Variants in GRID1 observed in about 807,000 individuals in gnomAD.
The protein encoded by GRID1 is glutamate ionotropic receptor delta type subunit 1.
GRID1 carries 28 observed loss-of-function variants against 98.0 expected under a neutral mutation model. The ratio of observed to expected loss-of-function variants is 0.29; its 90% CI spans 0.21 to 0.39. The LOEUF (loss-of-function observed/expected upper bound fraction) is 0.39. Among genes scored for constraint, GRID1 ranks in the 10% least tolerant of loss-of-function variants. The pLI is 1.00. For missense variants in GRID1, 1,111 were observed against 1,340.5 expected (o/e 0.83, Z 2.67); for synonymous variants, 553 against 538.5 (o/e 1.03, Z -0.37).
chr10:85,771,455 C>T (rs1370173139), intron 8 of GRID1, among the ~76,000 whole-genome samples: 1 of 152,040 alleles, frequency 6.6e-6, no homozygotes, highest in Admixed American at 6.6e-5. Context: ...ATGACAGGAT[C>T]AAATTCACAC....
At chr10:86,359,263 G>A (rs1039776536) in intron 2 of GRID1, among the ~76,000 whole-genome samples, 1 of 152,184 alleles carries the variant, frequency 6.6e-6, no homozygotes, top group Non-Finnish European at 1.5e-5. Context: ...CTGCCAGGAG[G>A]ACTGCAAGAG....
intron 2 of GRID1, among the ~76,000 whole-genome samples, chr10:86,254,497 G>A (rs995410693): frequency 6.6e-6 from 1 of 152,212 alleles, no homozygotes; most frequent in Non-Finnish European, 1.5e-5. Context: ...CCAGGTGACG[G>A]ATGCACATAA....
chr10:85,797,317 C>T (rs974648005), intron 8 of GRID1, among the ~76,000 whole-genome samples: 1 of 152,030 alleles, frequency 6.6e-6, no homozygotes, highest in Admixed American at 6.5e-5. Context: ...TACTCGGGTA[C>T]TGAGTATAGT....
intron 2 of GRID1, among the ~76,000 whole-genome samples, chr10:86,341,618 C>T (rs1848312148): frequency 1.3e-5 from 2 of 152,206 alleles, no homozygotes; most frequent in Non-Finnish European, 2.9e-5. Flanking sequence ...ACTGAGAGAA[C>T]ATGTCACAAA....
intron 15 of GRID1, chr10:85,605,881 A>G (rs1433928765): frequency 6.6e-6 from 1 of 152,256 alleles, no homozygotes. Flanking sequence ...GCTTCGGGGA[A>G]GACAGACCAG....
intron 5 of GRID1, among the ~76,000 whole-genome samples, chr10:85,884,574 C>T (rs967728819): frequency 4.6e-5 from 7 of 152,174 alleles, no homozygotes; most frequent in African/African-American, 1.7e-4. Flanking sequence ...CATTCTGCAG[C>T]TTCCACCTTA....
chr10:85,836,228 G>A (rs935830736), intron 8 of GRID1, among the ~76,000 whole-genome samples: 2 of 151,890 alleles, frequency 1.3e-5, no homozygotes, highest in Non-Finnish European at 1.5e-5. Context: ...ACAAAATATT[G>A]TTCTTCAAAA....
chr10:85,694,246 A>C (rs2132614055), intron 12 of GRID1, among the ~76,000 whole-genome samples: 1 of 152,198 alleles, frequency 6.6e-6, no homozygotes, highest in South Asian at 2.1e-4. Context: ...ACCAATCAGA[A>C]TGGCTATTAC....
intron 2 of GRID1, among the ~76,000 whole-genome samples, chr10:86,326,897 A>G (rs1381638782): frequency 6.6e-6 from 1 of 152,228 alleles, no homozygotes; most frequent in East Asian, 1.9e-4. Context: ...GTACTTCAGG[A>G]GGCCGAGGCG....
intron 4 of GRID1, among the ~76,000 whole-genome samples, chr10:86,133,439 C>T (rs1351140115): frequency 6.6e-6 from 1 of 152,216 alleles, no homozygotes; most frequent in Non-Finnish European, 1.5e-5. Flanking sequence ...TGCCATGTGC[C>T]ACAGCTGGGC....
intron 2 of GRID1, among the ~76,000 whole-genome samples, chr10:86,293,516 T>TA (rs1847545557): frequency 6.6e-6 from 1 of 152,218 alleles, no homozygotes; most frequent in Non-Finnish European, 1.5e-5. Flanking sequence ...ATTTACATGT[T>TA]AAAGACTTTT....
intron 2 of GRID1, among the ~76,000 whole-genome samples, chr10:86,343,009 C>T (rs1190233860): frequency 1.3e-5 from 2 of 152,158 alleles, no homozygotes; most frequent in Non-Finnish European, 1.5e-5. Flanking sequence ...TTATACTATC[C>T]CCACTGAAGG....
chr10:85,873,535 G>T, intron 5 of GRID1, among the ~76,000 whole-genome samples: 1 of 152,222 alleles, frequency 6.6e-6, no homozygotes, highest in East Asian at 1.9e-4. Context: ...AATGATTTCA[G>T]TGCGCCTTTC....
At chr10:85,682,188 G>C (rs1474400265) in intron 12 of GRID1, among the ~76,000 whole-genome samples, 1 of 152,196 alleles carries the variant, frequency 6.6e-6, no homozygotes, top group Non-Finnish European at 1.5e-5. Flanking sequence ...TAAGTCCCAA[G>C]ACCAGATCTT....
intron 12 of GRID1, among the ~76,000 whole-genome samples, chr10:85,684,775 G>C (rs1564558926): frequency 6.6e-6 from 1 of 152,136 alleles, no homozygotes; most frequent in African/African-American, 2.4e-5. Flanking sequence ...CACAGTTCTG[G>C]AGGCTGGAAG....
chr10:85,603,645 C>T (rs1842614585), intron 15 of GRID1, among the ~76,000 whole-genome samples: 2 of 152,168 alleles, frequency 1.3e-5, no homozygotes, highest in Admixed American at 1.3e-4. Context: ...CCTTGGCTTC[C>T]CCGCTGTGAG....
chr10:86,323,934 T>C (rs1488813125), intron 2 of GRID1, among the ~76,000 whole-genome samples: 1 of 152,194 alleles, frequency 6.6e-6, no homozygotes, highest in Admixed American at 6.5e-5. Context: ...ATCCCAGCAC[T>C]TCGGGAGGCC....
rs1162030685 is a variant in GRID1, at chr10:85,634,291, T to TCTCA, written c.2193+12910_2193+12911insTGAG. Among the ~76,000 whole-genome samples the TCTCA allele has an allele frequency of 4.9e-3, 503 of 102,926 alleles. 1 individual carries two copies. The highest frequency in any genetic ancestry group is 0.02 in the Middle Eastern group (4 of 196). 67.5% of individuals were successfully genotyped at this position (102,926 alleles called of 152,430 possible). ...CTCTCTCTCTCTCTCTCTCTCTCTC[T>TCTCA]CACACACACACACACACACACACAG... On this transcript the variant is annotated intron_variant, in intron 13 of 15. Transcript: ENST00000327946.
intron 4 of GRID1, among the ~76,000 whole-genome samples, chr10:85,965,437 C>T (rs1008669689): frequency 2.6e-5 from 4 of 152,104 alleles, no homozygotes; most frequent in Admixed American, 6.5e-5. Context: ...ACATATACAC[C>T]GTGGAATACT....
Sources: allele counts gnomAD v4.1 joint callset (sites outside exome capture counted in the v4.1 genomes callset), GRCh38; gene constraint gnomAD v4.1.1; transcripts MANE v1.5; gene names NCBI Gene and HGNC (gene_info 2026-07-23, HGNC 2026-07-21).